Variants in STK32C observed in about 807,000 individuals in gnomAD.
STK32C encodes serine/threonine-protein kinase 32C.
A neutral mutation model predicts 56.5 loss-of-function variants in STK32C; 31 were observed. The ratio of observed to expected loss-of-function variants is 0.55; its 90% CI spans 0.41 to 0.74. STK32C has a LOEUF of 0.74. STK32C is among the 30% of genes least tolerant of loss of function. The pLI, the probability that STK32C is intolerant of heterozygous loss-of-function variation, is 0.00. For missense variants in STK32C, 544 were observed against 676.9 expected, an observed-to-expected ratio of 0.80 and a Z score of 2.18; for synonymous variants, 309 against 289.4, an observed-to-expected ratio of 1.07 and a Z score of -0.69.
At chr10:132,253,388 T>TAGCTGGAGGGAGTCGAGGG (rs1565113496) in intron 1 of STK32C, among the ~76,000 whole-genome samples, 2 of 85,784 alleles carry the variant, frequency 2.3e-5, no homozygotes, top group South Asian at 3.8e-4. Context: ...GGAGCCGAGG[T>TAGCTGGAGGGAGTCGAGGG]AGCTGGAGGG....
chr10:132,315,090 C>A (rs542746088), intron 1 of STK32C, among the ~76,000 whole-genome samples: 1 of 152,262 alleles, frequency 6.6e-6, no homozygotes, highest in African/African-American at 2.4e-5. Context: ...GCAGAGATTG[C>A]ACCATTGCAT....
intron 1 of STK32C, among the ~76,000 whole-genome samples, chr10:132,315,706 C>G (rs1393609535): frequency 6.6e-6 from 1 of 152,206 alleles, no homozygotes; most frequent in Non-Finnish European, 1.5e-5. Context: ...GGGCAACACT[C>G]TTAAGCAAGT....
chr10:132,277,303 A>G (rs61864477), intron 1 of STK32C, among the ~76,000 whole-genome samples: 65,974 of 152,060 alleles, frequency 0.43, 15,456 homozygotes, highest in African/African-American at 0.6. Flanking sequence ...TGGACTTCCC[A>G]AGTTGCAGCA....
intron 8 of STK32C, among the ~76,000 whole-genome samples, chr10:132,223,913 C>T (rs1275830443): frequency 6.6e-6 from 1 of 152,228 alleles, no homozygotes; most frequent in Non-Finnish European, 1.5e-5. Context: ...TACTGATGGC[C>T]ACACCCCTGC....
intron 1 of STK32C, among the ~76,000 whole-genome samples, chr10:132,264,741 C>T (rs937855839): frequency 1.3e-5 from 2 of 152,122 alleles, no homozygotes; most frequent in South Asian, 2.1e-4. Flanking sequence ...CCAAAGCCAG[C>T]GAGGTGGGAC....
At chr10:132,329,499 GA>G (rs2066590730) in intron 1 of STK32C, among the ~76,000 whole-genome samples, 1 of 152,170 alleles carries the variant, frequency 6.6e-6, no homozygotes, top group Admixed American at 6.5e-5. Context: ...ATTAAAAACA[GA>G]TTATAAAACA....
intron 1 of STK32C, among the ~76,000 whole-genome samples, chr10:132,259,844 C>T (rs151173254): frequency 3.2e-4 from 48 of 152,364 alleles, no homozygotes; most frequent in Non-Finnish European, 4.7e-4. Context: ...TCGCTACACA[C>T]TTTCTGGGAT....
At chr10:132,217,229 T>G (rs1038347596) in intron 10 of STK32C, among the ~76,000 whole-genome samples, 1 of 152,252 alleles carries the variant, frequency 6.6e-6, no homozygotes, top group Non-Finnish European at 1.5e-5. Flanking sequence ...ATGTGAGAGA[T>G]AGAGTCAAAG....
chr10:132,243,185 A>C (rs1189244849), intron 2 of STK32C, among the ~76,000 whole-genome samples: 1 of 152,226 alleles, frequency 6.6e-6, no homozygotes, highest in Non-Finnish European at 1.5e-5. Flanking sequence ...GGCTGCCCCC[A>C]TCTGTGGCTC....
chr10:132,228,223 G>A lies in STK32C; in HGVS notation c.319-95C>T, dbSNP rs540962029. 241 of 1,554,748 alleles carry A rather than the reference G, an allele frequency of 1.6e-4. 2 individuals carry two copies. Among genetic ancestry groups the A allele is most frequent in the African/African-American group, 8.9e-4 (66 of 73,882 alleles). On this transcript the variant is annotated intron_variant, in intron 2 of 11. Transcript: ENST00000298630. Reference sequence around the variant, plus strand: ...GCATGGGGATGCCTGGGGACGCATCGTCAGGACACAAGGGGACACCTGGGG... The same window carrying A: ...GCATGGGGATGCCTGGGGACGCATCATCAGGACACAAGGGGACACCTGGGG...
chr10:132,330,377 C>G, intron 1 of STK32C: 6 of 708,456 alleles, frequency 8.5e-6, no homozygotes, highest in Middle Eastern at 4.6e-4. Context: ...CTTCCATCCC[C>G]TTCGCCACTC....
rs745972251 is a variant in STK32C at position 132,226,871 on chromosome 10, C to G, written c.568G>C (p.Glu190Gln). Residue 190 changes from glutamate (E) to glutamine (Q), a missense_variant, in exon 4 of 12, where the codon GAG becomes CAG. This residue lies in a region of STK32C where 85 missense variants were observed against 149.9 expected (regional missense o/e 0.57). Coordinates refer to ENST00000298630, the MANE Select transcript of STK32C (RefSeq NM_173575.4). ...CAGATGTACAGCCTCACCGTGTCCT[C>G]GGAGAACTGCACGTTCTGCTGCAGG... The part of the protein sequence containing the change: ...YHLQQNVQFS[E>Q]DTVRLYICEM... 3 of 1,613,470 alleles carry G rather than the reference C, an allele frequency of 1.9e-6. No homozygotes were observed. The highest frequency in any genetic ancestry group is 1.1e-5 in the South Asian group (1 of 91,090).
upstream of STK32C, among the ~76,000 whole-genome samples, chr10:132,309,196 C>A (rs1590479198): frequency 6.6e-6 from 1 of 152,152 alleles, no homozygotes; most frequent in East Asian, 1.9e-4. Flanking sequence ...CTTTGACATT[C>A]AGTGTGGCCG....
intron 1 of STK32C, among the ~76,000 whole-genome samples, chr10:132,300,841 G>A (rs919793357): frequency 1.3e-5 from 2 of 152,202 alleles, no homozygotes; most frequent in Non-Finnish European, 2.9e-5. Flanking sequence ...CCAAGGTCTC[G>A]CCACGTGCCC....
At chr10:132,221,823 T>G (rs936289360) in intron 10 of STK32C, among the ~76,000 whole-genome samples, 2 of 118,986 alleles carry the variant, frequency 1.7e-5, no homozygotes, top group Non-Finnish European at 3.4e-5. Flanking sequence ...CACTCACAAC[T>G]GACATCAACG....
chr10:132,285,191 C>T (rs2065363986), intron 1 of STK32C, among the ~76,000 whole-genome samples: 1 of 151,860 alleles, frequency 6.6e-6, no homozygotes, highest in Non-Finnish European at 1.5e-5. Context: ...CACATTCCCA[C>T]ACCTGCCCAA....
chr10:132,265,815 C>T (rs1251131036), intron 1 of STK32C, among the ~76,000 whole-genome samples: 2 of 152,202 alleles, frequency 1.3e-5, no homozygotes, highest in Admixed American at 1.3e-4. Flanking sequence ...AACGCGGGCC[C>T]CCTCCATCCC....
rs557152793 is a variant in STK32C, at chr10:132,208,813, G to C, written c.1319+221C>G. ...TGGGCAAATGATGTGTCTCTCCCCAGAAGATTCCAGCCACGGGCCCCGCGT... is the reference window on the plus strand; with the variant it reads ...TGGGCAAATGATGTGTCTCTCCCCACAAGATTCCAGCCACGGGCCCCGCGT... On this transcript the variant is annotated intron_variant, in intron 11 of 11. Coordinates refer to ENST00000298630, the MANE Select transcript of STK32C (RefSeq NM_173575.4). 7.2e-5 allele frequency among the ~76,000 whole-genome samples: 11 copies of C among 152,238 alleles called. No homozygotes were observed. In the East Asian group the frequency reaches 1.9e-3, roughly 27 times the overall value.
At chr10:132,238,254 A>G (rs1037639900) in intron 2 of STK32C, among the ~76,000 whole-genome samples, 10 of 152,258 alleles carry the variant, frequency 6.6e-5, no homozygotes, top group Non-Finnish European at 1.5e-4. Flanking sequence ...CAAGAGATCC[A>G]CATGATTCAG....
Sources: gnomAD v4.1 joint callset for allele counts (sites outside exome capture counted in the v4.1 genomes callset) on GRCh38, gnomAD v4.1.1 for gene constraint, gnomAD v4.1.1 regional missense constraint, MANE v1.5 for transcripts, NCBI Gene and HGNC (gene_info 2026-07-23, HGNC 2026-07-21) for gene names.